The following MBNL2 variants were observed in gnomAD, a reference collection of about 807,000 sequenced individuals.
MBNL2 encodes muscleblind-like protein 2.
MBNL2 carries 17 observed loss-of-function variants against 41.9 expected under a neutral mutation model. The ratio of observed to expected loss-of-function variants is 0.41; its 90% confidence interval spans 0.28 to 0.61. The LOEUF is 0.61. Ranked by LOEUF, MBNL2 falls within the 20% of genes least tolerant of loss-of-function variation. The pLI, the probability that MBNL2 is intolerant of heterozygous loss-of-function variation, is 0.35. For missense variants in MBNL2, 336 were observed against 505.6 expected, an observed-to-expected ratio of 0.66 and a Z score of 3.22; for synonymous variants, 195 against 182.9, an observed-to-expected ratio of 1.07 and a Z score of -0.53.
chr13:97,180,163 A>G, the MBNL2 span, among the ~76,000 whole-genome samples: 2,332 of 152,290 alleles, frequency 0.015, 58 homozygotes, highest in African/African-American at 0.053. Context: ...TACAAGACTT[A>G]GTAATGACTT....
At chr13:97,327,712 A>G (rs1032482115) in intron 2 of MBNL2, among the ~76,000 whole-genome samples, 1 of 152,128 alleles carries the variant, frequency 6.6e-6, no homozygotes, top group African/African-American at 2.4e-5. Flanking sequence ...TCAGCAGGGG[A>G]GATATCAAAG....
intron 2 of MBNL2, among the ~76,000 whole-genome samples, chr13:97,311,033 A>C (rs1401370535): frequency 1.3e-5 from 2 of 152,230 alleles, no homozygotes; most frequent in East Asian, 3.8e-4. Context: ...GAGAATAGGC[A>C]GATTCAAGAC....
At chr13:97,288,525 A>C (rs1297431815) in intron 2 of MBNL2, among the ~76,000 whole-genome samples, 2 of 152,224 alleles carry the variant, frequency 1.3e-5, no homozygotes, top group Non-Finnish European at 2.9e-5. Flanking sequence ...AGAAACTGAG[A>C]GAAGCCAGCG....
the MBNL2 span, among the ~76,000 whole-genome samples, chr13:97,201,725 A>C: frequency 1.3e-5 from 2 of 152,210 alleles, no homozygotes; most frequent in Non-Finnish European, 2.9e-5. Flanking sequence ...ACCCCTTTCT[A>C]TATATAGGAA....
the MBNL2 span, among the ~76,000 whole-genome samples, chr13:97,167,372 T>G: frequency 7.1e-6 from 1 of 139,938 alleles, no homozygotes; most frequent in African/African-American, 2.7e-5. Context: ...CATGGAAAGA[T>G]TCATTAATGC....
intron 7 of MBNL2, among the ~76,000 whole-genome samples, chr13:97,358,441 T>C (rs1366021595): frequency 6.6e-6 from 1 of 151,596 alleles, no homozygotes; most frequent in Admixed American, 6.6e-5. Flanking sequence ...ATATACACAT[T>C]CCACAGAGTT....
At chr13:97,218,430 C>CAAAAAAAAAAAAAAA (rs746110575), upstream of MBNL2, among the ~76,000 whole-genome samples, 16 of 69,044 alleles carry the variant, frequency 2.3e-4, no homozygotes, top group Non-Finnish European at 3.8e-4. Flanking sequence ...AAAAACAAAA[C>CAAAAAAAAAAAAAAA]AAAACAAAAC....
chr13:97,221,007 G>T (rs539094963), upstream of MBNL2, among the ~76,000 whole-genome samples: 83 of 152,300 alleles, frequency 5.4e-4, no homozygotes, highest in African/African-American at 1.9e-3. Context: ...GGAAGACAAA[G>T]AATGTAAGTA....
At chr13:97,185,303 T>C in the MBNL2 span, among the ~76,000 whole-genome samples, 1 of 152,194 alleles carries the variant, frequency 6.6e-6, no homozygotes, top group African/African-American at 2.4e-5. Context: ...AAAAGAAATA[T>C]TTCATAAATC....
In MBNL2 at chr13:97,351,022, C is replaced by T. The variant is rs76331630; in HGVS notation, c.804+3955C>T. Among the ~76,000 whole-genome samples the T allele has an allele frequency of 4.5e-3, 681 of 152,260 alleles. 3 individuals are homozygous for T. The highest frequency in any genetic ancestry group is 0.016 in the African/African-American group (648 of 41,544). ...CTACAGCCTTACAAAATGTATTTCT[C>T]GATTAATAAGACTTGATAGTTGAAA... On this transcript the variant is annotated intron_variant, in intron 5 of 8. Coordinates refer to ENST00000679496, the MANE Select transcript of MBNL2 (RefSeq NM_001382683.1).
chr13:97,277,823 G>C (rs961465866), intron 2 of MBNL2, among the ~76,000 whole-genome samples: 49 of 152,130 alleles, frequency 3.2e-4, no homozygotes, highest in Non-Finnish European at 1.0e-4. Flanking sequence ...GAAATGAATA[G>C]ATGGATAAAT....
At chr13:97,204,130 T>C in the MBNL2 span, among the ~76,000 whole-genome samples, 1 of 152,218 alleles carries the variant, frequency 6.6e-6, no homozygotes, top group African/African-American at 2.4e-5. Flanking sequence ...AGGATTGGAT[T>C]TACCCGAGAC....
the MBNL2 span, among the ~76,000 whole-genome samples, chr13:97,187,593 TAAAAAAAAAAAA>T: frequency 1.5e-3 from 79 of 51,500 alleles, no homozygotes; most frequent in Middle Eastern, 0.014. Flanking sequence ...CTATGCAGCT[TAAAAAAAAAAAA>T]AAAAAAAAAA....
chr13:97,159,762 A>G, the MBNL2 span, among the ~76,000 whole-genome samples: 1 of 151,448 alleles, frequency 6.6e-6, no homozygotes, highest in African/African-American at 2.4e-5. Context: ...CTGCTGAGAG[A>G]TCTGCTGTTA....
At chr13:97,260,026 G>A (rs2048310931) in intron 1 of MBNL2, among the ~76,000 whole-genome samples, 1 of 152,174 alleles carries the variant, frequency 6.6e-6, no homozygotes, top group African/African-American at 2.4e-5. Flanking sequence ...GGTTGAGAGA[G>A]AAAATGCACA....
the MBNL2 span, among the ~76,000 whole-genome samples, chr13:97,154,917 T>C: frequency 6.6e-6 from 1 of 152,174 alleles, no homozygotes; most frequent in East Asian, 1.9e-4. Flanking sequence ...TATTGAGTAC[T>C]GCACAAATAG....
intron 2 of MBNL2, among the ~76,000 whole-genome samples, chr13:97,301,684 C>T (rs767779166): frequency 3.9e-5 from 6 of 152,116 alleles, no homozygotes; most frequent in Admixed American, 1.3e-4. Flanking sequence ...CCGCCAGCCC[C>T]GGGGGAAAGA....
intron 1 of MBNL2, among the ~76,000 whole-genome samples, chr13:97,234,289 G>A (rs573853206): frequency 6.6e-6 from 1 of 152,158 alleles, no homozygotes; most frequent in Non-Finnish European, 1.5e-5. Flanking sequence ...TCACGTACTT[G>A]AAGATGTCAG....
chr13:97,212,976 ATCT>A, the MBNL2 span, among the ~76,000 whole-genome samples: 1 of 152,132 alleles, frequency 6.6e-6, no homozygotes. Flanking sequence ...ACCCGGGCAA[ATCT>A]TCTCTAAGAT....
Sources: allele counts gnomAD v4.1 joint callset (sites outside exome capture counted in the v4.1 genomes callset), GRCh38; gene constraint gnomAD v4.1.1; transcripts MANE v1.5; gene names NCBI Gene and HGNC (gene_info 2026-07-23, HGNC 2026-07-21).